The following DPP6 variants were observed in gnomAD, a reference collection of about 807,000 sequenced individuals.
DPP6 encodes the protein dipeptidyl peptidase like 6.
In DPP6, 69 loss-of-function variants were observed where a neutral mutation model predicts 122.6. The observed-to-expected ratio is 0.56, with a 90% CI of 0.46 to 0.69. DPP6 has a LOEUF of 0.69. Among genes scored for constraint, DPP6 ranks in the 30% least tolerant of loss-of-function variants. DPP6 has a pLI of 0.00. For missense variants in DPP6, 928 were observed against 1,116.9 expected (o/e 0.83, Z 2.41); for synonymous variants, 418 against 433.1 (o/e 0.97, Z 0.43).
At position 154,556,544 on chromosome 7, in the gene DPP6, G is replaced by A. The variant is rs143916221; in HGVS notation, c.553-10298G>A. Among the ~76,000 whole-genome samples, 5 of 152,176 alleles carry A rather than the reference G, an allele frequency of 3.3e-5. No homozygotes were observed. The East Asian group carries it at 5.8e-4, about 18-fold the overall frequency. On this transcript the variant is annotated intron_variant, in intron 4 of 25. Transcript: ENST00000377770. ...TCATTGTACAAATACACAAAATTAC[G>A]TTCCAATTGGATTAAAGCCTTAAAT...
intron 4 of DPP6, among the ~76,000 whole-genome samples, chr7:154,553,665 C>G (rs1219794946): frequency 1.3e-5 from 2 of 152,038 alleles, no homozygotes; most frequent in Non-Finnish European, 2.9e-5. Flanking sequence ...TTGTCTAGTT[C>G]CAAACTAAAT....
Position 154,199,696 on chromosome 7 carries a change from G to A in DPP6, c.243+146633G>A, listed in dbSNP as rs992409661. On this transcript the variant is annotated intron_variant, in intron 1 of 25. Coordinates refer to ENST00000377770, the MANE Select transcript of DPP6 (RefSeq NM_130797.4). ...GTGATCCTGGCTCACTGCAAGGTCC[G>A]CCTCCTGGGTTCAAGTGATTCTCCT... Among the ~76,000 whole-genome samples, 3 of 151,436 alleles carry A rather than the reference G, an allele frequency of 2.0e-5. No homozygotes were observed. In the East Asian group the frequency reaches 5.8e-4, roughly 30 times the overall value.
chr7:154,353,289 G>A (rs79421929), intron 1 of DPP6, among the ~76,000 whole-genome samples: 11 of 152,198 alleles, frequency 7.2e-5, no homozygotes, highest in Middle Eastern at 3.4e-3. Flanking sequence ...TTATTTTCTC[G>A]TAGCAAGAGT....
the DPP6 span, among the ~76,000 whole-genome samples, chr7:153,773,998 T>C: frequency 6.0e-4 from 91 of 151,910 alleles, no homozygotes; most frequent in South Asian, 1.5e-3. Context: ...AAATTTAAAA[T>C]ATAAAAGAGA....
intron 1 of DPP6, among the ~76,000 whole-genome samples, chr7:154,429,699 C>T (rs1818198732): frequency 6.6e-6 from 1 of 152,160 alleles, no homozygotes; most frequent in Admixed American, 6.5e-5. Context: ...GGAATGGCTA[C>T]CCAAGTCAAG....
intron 1 of DPP6, among the ~76,000 whole-genome samples, chr7:154,192,058 A>T (rs1798641839): frequency 6.6e-6 from 1 of 152,138 alleles, no homozygotes; most frequent in African/African-American, 2.4e-5. Flanking sequence ...TCTGTCTCTT[A>T]ATGCTTGAGT....
intron 1 of DPP6, among the ~76,000 whole-genome samples, chr7:154,152,999 A>C (rs144187445): frequency 0.014 from 2,138 of 152,282 alleles, 8 homozygotes; most frequent in African/African-American, 0.048. Flanking sequence ...TGTACATAAA[A>C]AGCATAAAAC....
chr7:154,515,480 C>T (rs1328624587), intron 3 of DPP6, among the ~76,000 whole-genome samples: 1 of 151,818 alleles, frequency 6.6e-6, no homozygotes, highest in Admixed American at 6.6e-5. Context: ...TCCTTCCTTC[C>T]TTCCTACTTT....
intron 1 of DPP6, among the ~76,000 whole-genome samples, chr7:154,230,908 AG>A: frequency 6.6e-6 from 1 of 152,376 alleles, no homozygotes; most frequent in East Asian, 1.9e-4. Context: ...TCTACCTGTA[AG>A]TGCATAAAAT....
intron 16 of DPP6, among the ~76,000 whole-genome samples, chr7:154,824,801 C>A (rs1800034453): frequency 6.6e-6 from 1 of 152,164 alleles, no homozygotes; most frequent in African/African-American, 2.4e-5. Flanking sequence ...AGAAAGGTGG[C>A]AAACGCAGGT....
chr7:153,992,069 G>T (rs1182405787), intron 1 of DPP6, among the ~76,000 whole-genome samples: 1 of 152,166 alleles, frequency 6.6e-6, no homozygotes, highest in East Asian at 1.9e-4. Context: ...TACATTAAAT[G>T]CATTTATAAG....
chr7:153,993,169 T>A (rs564897492), intron 1 of DPP6, among the ~76,000 whole-genome samples: 9 of 152,336 alleles, frequency 5.9e-5, no homozygotes, highest in African/African-American at 2.2e-4. Flanking sequence ...AGCTTTGTTT[T>A]TGTCAAGGTT....
At chr7:154,801,494 G>A (rs112959510) in intron 13 of DPP6, 32 bp downstream of exon 13, 22,114 of 1,541,020 alleles carry the variant, frequency 0.014, 201 homozygotes, top group Middle Eastern at 0.026. Flanking sequence ...AGCTGAACTA[G>A]AAACTGGCCT....
chr7:154,569,453 T>C (rs980644338), intron 5 of DPP6, among the ~76,000 whole-genome samples: 9 of 152,148 alleles, frequency 5.9e-5, no homozygotes, highest in East Asian at 1.9e-4. Flanking sequence ...GTTGGTTACA[T>C]AGTACTTCCC....
rs1278796707 is a variant in DPP6, at chr7:154,821,647, CACATATATATATATAT to C, written c.1666+14539_1666+14554del. ...TTTTCTGTATATATATATATATATACACATATATATATATATACACATATATATATACACACACATA... is the reference window on the plus strand; with the variant it reads ...TTTTCTGTATATATATATATATATACACACATATATATATACACACACATA... On this transcript the variant is annotated intron_variant, in intron 16 of 25. Transcript: ENST00000377770. The surrounding 1 kb of genome is among the most constrained non-coding windows in gnomAD (Gnocchi z 4.2). Among the ~76,000 whole-genome samples the C allele has an allele frequency of 0.012, 287 of 24,100 alleles. 2 individuals carry two copies. The highest frequency in any genetic ancestry group is 0.037 in the African/African-American group (274 of 7,376). 15.8% of individuals were successfully genotyped at this position (24,100 alleles called of 152,430 possible). A position where few individuals can be genotyped will look rare whatever the true frequency, so the allele number is the denominator to read the frequency against.
intron 5 of DPP6, among the ~76,000 whole-genome samples, chr7:154,590,240 C>A (rs1338988558): frequency 6.6e-6 from 1 of 152,074 alleles, no homozygotes; most frequent in South Asian, 2.1e-4. Context: ...CATCTCTAGC[C>A]GTTTCAATCC....
intron 17 of DPP6, among the ~76,000 whole-genome samples, chr7:154,860,613 G>A (rs1803303850): frequency 6.6e-6 from 1 of 152,238 alleles, no homozygotes; most frequent in African/African-American, 2.4e-5. Context: ...TGTGGCACTT[G>A]CTGGGGTGGC....
rs112076656 is a variant in DPP6, at chr7:154,589,201, G to A, written c.627+22285G>A. On this transcript the variant is annotated intron_variant, in intron 5 of 25. Coordinates refer to ENST00000377770, the MANE Select transcript of DPP6 (RefSeq NM_130797.4). ...TCAACCTTTCTCAGCATGAATGTAC[G>A]CTTTTTCATGTGCTGATTTTAACAT... is the stretch of plus-strand genomic sequence containing the variant. Among the ~76,000 whole-genome samples the A allele has an allele frequency of 3.3e-3, 504 of 152,282 alleles. 4 individuals are homozygous for A. The highest frequency in any genetic ancestry group is 5.5e-3 in the Non-Finnish European group (376 of 68,026).
At chr7:153,766,913 G>A in the DPP6 span, among the ~76,000 whole-genome samples, 1 of 152,096 alleles carries the variant, frequency 6.6e-6, no homozygotes, top group Non-Finnish European at 1.5e-5. Context: ...CATGTCACAA[G>A]CCACATAATA....
Sources: gnomAD v4.1 joint callset for allele counts (sites outside exome capture counted in the v4.1 genomes callset) on GRCh38, gnomAD v4.1.1 for gene constraint, Gnocchi (gnomAD v3.1) non-coding constraint, MANE v1.5 for transcripts, NCBI Gene and HGNC (gene_info 2026-07-23, HGNC 2026-07-21) for gene names.